TBC1D32: variants seen among roughly 807,000 people sequenced by gnomAD.
TBC1D32 encodes TBC1 domain family member 32, also known as protein broad-minded.
In TBC1D32, 151 loss-of-function variants were observed where a neutral mutation model predicts 170.3. The ratio of observed to expected loss-of-function variants is 0.89; its 90% CI spans 0.78 to 1.01. The LOEUF (loss-of-function observed/expected upper bound fraction) is 1.01. TBC1D32 is among the 50% of genes least tolerant of loss of function. The probability of loss-of-function intolerance (pLI) is 0.00; values close to 1 mark genes in which losing one functional copy is unlikely to be tolerated. For synonymous variants in TBC1D32, 498 were observed against 488.0 expected, an observed-to-expected ratio of 1.02 and a Z score of -0.27; for missense variants, 1,464 against 1,457.1, an observed-to-expected ratio of 1.00 and a Z score of -0.08.
At chr6:121,100,050 G>A (rs552469227) in intron 30 of TBC1D32, among the ~76,000 whole-genome samples, 162 of 152,036 alleles carry the variant, frequency 1.1e-3, no homozygotes, top group Non-Finnish European at 2.0e-3. Context: ...GGAGCAGATC[G>A]TTTGGTTTCC....
chr6:121,257,865 C>G (rs559625915), intron 15 of TBC1D32, among the ~76,000 whole-genome samples: 1 of 152,072 alleles, frequency 6.6e-6, no homozygotes, highest in South Asian at 2.1e-4. Context: ...TCTTAGATAG[C>G]TTCTAAAATG....
At chr6:121,281,209 A>C (rs1337407923) in intron 14 of TBC1D32, among the ~76,000 whole-genome samples, 1 of 151,798 alleles carries the variant, frequency 6.6e-6, no homozygotes, top group Non-Finnish European at 1.5e-5. Context: ...CAATGCCATA[A>C]AACAAATAAC....
intron 9 of TBC1D32, among the ~76,000 whole-genome samples, chr6:121,303,309 A>G (rs1210156338): frequency 2.6e-5 from 4 of 152,182 alleles, no homozygotes; most frequent in Non-Finnish European, 5.9e-5. Flanking sequence ...CACATTAAAG[A>G]AAAAATAGAT....
chr6:121,172,746 A>G (rs12529567), intron 22 of TBC1D32, among the ~76,000 whole-genome samples: 9,854 of 152,242 alleles, frequency 0.065, 615 homozygotes, highest in Admixed American at 0.21. Context: ...TACTAAGAAA[A>G]TATCTTCATT....
intron 24 of TBC1D32, among the ~76,000 whole-genome samples, chr6:121,141,608 G>A (rs1002251700): frequency 5.9e-5 from 9 of 151,542 alleles, no homozygotes; most frequent in Non-Finnish European, 1.3e-4. Context: ...CACTGGAATA[G>A]TTAGATCAAA....
chr6:121,155,154 T>C (rs192995903), intron 24 of TBC1D32, among the ~76,000 whole-genome samples: 19 of 152,280 alleles, frequency 1.2e-4, no homozygotes, highest in African/African-American at 4.6e-4. Context: ...CTTCCATTTA[T>C]TCATGTCATC....
chr6:121,146,954 C>A (rs568773035), intron 24 of TBC1D32, among the ~76,000 whole-genome samples: 2 of 152,032 alleles, frequency 1.3e-5, no homozygotes, highest in Non-Finnish European at 2.9e-5. Context: ...AGCTTTTCAT[C>A]CCATGCTCCC....
At chr6:121,126,583 G>T in intron 25 of TBC1D32, 122 bp from the exon 26 acceptor site, 10 of 602,704 alleles carry the variant, frequency 1.7e-5, no homozygotes, top group South Asian at 1.0e-4. Flanking sequence ...CTCTAAGGGA[G>T]TTCAATTCAA....
At chr6:121,133,268 G>C (rs539603094) in intron 24 of TBC1D32, among the ~76,000 whole-genome samples, 1 of 151,804 alleles carries the variant, frequency 6.6e-6, no homozygotes, top group Admixed American at 6.6e-5. Context: ...AGTCTTTATT[G>C]TTCCAGGTTT....
chr6:121,162,881 C>T (rs1370415507), intron 22 of TBC1D32: 5 of 102,708 alleles, frequency 4.9e-5, no homozygotes, highest in Non-Finnish European at 1.1e-4. Flanking sequence ...GTGCGCGAGC[C>T]GAAGCAGGGC....
At chr6:121,137,030 ATGG>A (rs1425579349) in intron 24 of TBC1D32, among the ~76,000 whole-genome samples, 1 of 152,112 alleles carries the variant, frequency 6.6e-6, no homozygotes, top group Admixed American at 6.5e-5. Flanking sequence ...TGACTATATT[ATGG>A]TAAAGTGTTT....
chr6:121,123,069 A>C lies in TBC1D32; in HGVS notation c.2983+3309T>G, dbSNP rs552553437. Among the ~76,000 whole-genome samples the C allele has an allele frequency of 1.2e-3, 188 of 152,220 alleles. 1 individual carries two copies. The highest frequency in any genetic ancestry group is 5.3e-4 in the Non-Finnish European group (36 of 67,960). On this transcript the variant is annotated intron_variant, in intron 26 of 31. Transcript: ENST00000398212. Reference sequence around the variant, plus strand: ...TGAAAAAGAACCAGACTCCAAGTAGAGATATCAACTAAAAAGGTTATTATG... The same window carrying C: ...TGAAAAAGAACCAGACTCCAAGTAGCGATATCAACTAAAAAGGTTATTATG...
intron 14 of TBC1D32, among the ~76,000 whole-genome samples, chr6:121,281,140 T>C (rs961992794): frequency 6.6e-6 from 1 of 151,876 alleles, no homozygotes; most frequent in East Asian, 1.9e-4. Flanking sequence ...AAGTAGTTCT[T>C]CTTAATATAA....
intron 13 of TBC1D32, among the ~76,000 whole-genome samples, chr6:121,283,474 A>G (rs1044064957): frequency 6.6e-6 from 1 of 151,818 alleles, no homozygotes; most frequent in African/African-American, 2.4e-5. Flanking sequence ...AAGTATAAAG[A>G]ATGGAAAATA....
chr6:121,237,910 C>G (rs1013005575), intron 20 of TBC1D32, among the ~76,000 whole-genome samples: 1 of 152,040 alleles, frequency 6.6e-6, no homozygotes, highest in Non-Finnish European at 1.5e-5. Context: ...GTATCCCATA[C>G]ATTGTGAGAT....
intron 12 of TBC1D32, among the ~76,000 whole-genome samples, chr6:121,291,735 G>A (rs1007748829): frequency 4.6e-5 from 7 of 151,914 alleles, no homozygotes; most frequent in East Asian, 1.9e-4. Flanking sequence ...AAACAACAAA[G>A]GTTAAGTGAT....
At chr6:121,278,132 T>C (rs1289723515) in intron 15 of TBC1D32, among the ~76,000 whole-genome samples, 1 of 152,080 alleles carries the variant, frequency 6.6e-6, no homozygotes, top group Non-Finnish European at 1.5e-5. Flanking sequence ...CCTTCCAAAA[T>C]AGAAAACACC....
chr6:121,197,404 T>G (rs568025593), intron 22 of TBC1D32, among the ~76,000 whole-genome samples: 1 of 152,282 alleles, frequency 6.6e-6, no homozygotes, highest in African/African-American at 2.4e-5. Context: ...GAGAAGGTAG[T>G]CATCAATACC....
chr6:121,283,677 C>A, intron 13 of TBC1D32, 141 bp downstream of exon 13: 1 of 572,184 alleles, frequency 1.7e-6, no homozygotes, highest in South Asian at 2.7e-5. Flanking sequence ...ACTTCAGGAC[C>A]AATGTAATTT....
Sources: allele counts gnomAD v4.1 joint callset (sites outside exome capture counted in the v4.1 genomes callset), GRCh38; gene constraint gnomAD v4.1.1; transcripts MANE v1.5; gene names NCBI Gene and HGNC (gene_info 2026-07-23, HGNC 2026-07-21).